The following TTLL5 variants were observed in gnomAD, a reference collection of about 807,000 sequenced individuals.
The protein encoded by TTLL5 is tubulin tyrosine ligase like 5, also known as tubulin polyglutamylase TTLL5.
TTLL5 carries 132 observed loss-of-function variants against 168.4 expected under a neutral mutation model. The observed-to-expected ratio is 0.78, with a 90% CI of 0.68 to 0.91. The LOEUF is 0.91. Ranked by LOEUF, TTLL5 falls within the 40% of genes least tolerant of loss-of-function variation. The pLI is 0.00. For synonymous variants in TTLL5, 546 were observed against 558.6 expected, an observed-to-expected ratio of 0.98 and a Z score of 0.32; for missense variants, 1,545 against 1,581.5, an observed-to-expected ratio of 0.98 and a Z score of 0.39.
At chr14:75,791,144 C>T (rs1489426170) in intron 26 of TTLL5, among the ~76,000 whole-genome samples, 2 of 140,162 alleles carry the variant, frequency 1.4e-5, no homozygotes, top group East Asian at 2.0e-4. Context: ...GGTATTACTA[C>T]ATAAACTTGA....
chr14:75,676,033 G>C (rs574957654), intron 3 of TTLL5, among the ~76,000 whole-genome samples: 1 of 152,130 alleles, frequency 6.6e-6, no homozygotes, highest in Non-Finnish European at 1.5e-5. Flanking sequence ...CAGGAGTGTC[G>C]AGGGCAGAGA....
At chr14:75,729,013 G>A (rs1224931294) in intron 12 of TTLL5, among the ~76,000 whole-genome samples, 3 of 152,126 alleles carry the variant, frequency 2.0e-5, no homozygotes, top group Non-Finnish European at 2.9e-5. Context: ...TCTTAGGGCT[G>A]GGAATAAATA....
At chr14:75,922,653 G>A (rs372079374) in intron 31 of TTLL5, among the ~76,000 whole-genome samples, 8 of 152,118 alleles carry the variant, frequency 5.3e-5, no homozygotes, top group East Asian at 1.9e-4. Context: ...GAGGATTTTC[G>A]CATAGATGTT....
At chr14:75,831,390 A>G (rs1193822750) in intron 28 of TTLL5, among the ~76,000 whole-genome samples, 1 of 152,210 alleles carries the variant, frequency 6.6e-6, no homozygotes, top group East Asian at 1.9e-4. Context: ...TATCAGAGCT[A>G]GGCCAACTGA....
intron 9 of TTLL5, 191 bp from the exon 10 acceptor site, chr14:75,717,670 G>T (rs911719986): frequency 5.4e-6 from 3 of 556,716 alleles, no homozygotes; most frequent in Non-Finnish European, 9.7e-6. Context: ...TACTTCATAG[G>T]GTTGCTTTAA....
At chr14:75,878,361 T>G (rs899648380) in intron 29 of TTLL5, among the ~76,000 whole-genome samples, 2 of 152,238 alleles carry the variant, frequency 1.3e-5, no homozygotes, top group Admixed American at 1.3e-4. Context: ...TCTGTCTTTA[T>G]TCTCTGCAAT....
intron 12 of TTLL5, among the ~76,000 whole-genome samples, chr14:75,728,358 GAAAA>G (rs11326438): frequency 1.0e-5 from 1 of 99,674 alleles, no homozygotes; most frequent in Non-Finnish European, 2.2e-5. Flanking sequence ...CTCCATCTCA[GAAAA>G]AAAAAAAAAA....
intron 28 of TTLL5, among the ~76,000 whole-genome samples, chr14:75,846,513 G>A (rs999117346): frequency 5.3e-5 from 8 of 152,182 alleles, no homozygotes; most frequent in African/African-American, 1.9e-4. Flanking sequence ...GATACTGGCC[G>A]GGTGTGGTGG....
chr14:75,753,093 T>G, intron 18 of TTLL5, 138 bp downstream of exon 18: 6 of 690,182 alleles, frequency 8.7e-6, no homozygotes, highest in Non-Finnish European at 1.4e-5. Flanking sequence ...GAAAGCATGC[T>G]ATCATGACTC....
intron 27 of TTLL5, among the ~76,000 whole-genome samples, chr14:75,806,063 C>A (rs1349856999): frequency 6.7e-6 from 1 of 148,716 alleles, no homozygotes; most frequent in Non-Finnish European, 1.5e-5. Flanking sequence ...CAGTCTCACT[C>A]TGTTGCTCAG....
At chr14:75,697,109 A>G (rs1594887538) in intron 6 of TTLL5, among the ~76,000 whole-genome samples, 1 of 152,212 alleles carries the variant, frequency 6.6e-6, no homozygotes, top group South Asian at 2.1e-4. Context: ...CATACATAAA[A>G]TTTTATGTAA....
chr14:75,857,482 G>C (rs1298292371), intron 28 of TTLL5, among the ~76,000 whole-genome samples: 1 of 151,926 alleles, frequency 6.6e-6, no homozygotes, highest in Non-Finnish European at 1.5e-5. Context: ...ATATTGGTCT[G>C]AAAAGACCAA....
At chr14:75,809,956 C>A (rs887710420) in intron 27 of TTLL5, among the ~76,000 whole-genome samples, 1 of 151,972 alleles carries the variant, frequency 6.6e-6, no homozygotes. Context: ...TTTTTTTAAT[C>A]CATTCATCCG....
chr14:75,927,672 C>T (rs908665197), intron 31 of TTLL5, among the ~76,000 whole-genome samples: 9 of 152,188 alleles, frequency 5.9e-5, no homozygotes, highest in South Asian at 2.1e-4. Context: ...TCTGCCCCTG[C>T]TGTTTTATCC....
chr14:75,897,195 G>A (rs2032705852), intron 30 of TTLL5, among the ~76,000 whole-genome samples: 2 of 152,138 alleles, frequency 1.3e-5, no homozygotes, highest in Admixed American at 1.3e-4. Context: ...AATGGCAGAG[G>A]CAAGATGAGT....
intron 3 of TTLL5, among the ~76,000 whole-genome samples, chr14:75,679,251 G>T: frequency 6.6e-6 from 1 of 152,172 alleles, no homozygotes; most frequent in Non-Finnish European, 1.5e-5. Context: ...TTTTAAAGTG[G>T]GAGAAGGAGG....
intron 3 of TTLL5, among the ~76,000 whole-genome samples, chr14:75,675,263 T>C (rs1884052133): frequency 6.6e-6 from 1 of 152,246 alleles, no homozygotes; most frequent in Admixed American, 6.5e-5. Flanking sequence ...AGCTACACTA[T>C]GTTGCCATTA....
At chr14:75,799,394 A>G (rs1210041112) in intron 27 of TTLL5, among the ~76,000 whole-genome samples, 1 of 152,088 alleles carries the variant, frequency 6.6e-6, no homozygotes, top group African/African-American at 2.4e-5. Flanking sequence ...CTGAACTTAT[A>G]TGTTAGTTGA....
intron 25 of TTLL5, 23 bp from the exon 26 acceptor site, chr14:75,783,119 ATGTCT>A: frequency 6.4e-7 from 1 of 1,566,160 alleles, no homozygotes; most frequent in Non-Finnish European, 8.6e-7. Flanking sequence ...TCCTATAATG[ATGTCT>A]TGTTTTGTTT....
Sources: gnomAD v4.1 joint callset for allele counts (sites outside exome capture counted in the v4.1 genomes callset) on GRCh38, gnomAD v4.1.1 for gene constraint, MANE v1.5 for transcripts, NCBI Gene and HGNC (gene_info 2026-07-23, HGNC 2026-07-21) for gene names.